FSD1L: variants seen among roughly 807,000 people sequenced by gnomAD.
The protein encoded by FSD1L is FSD1-like protein.
In FSD1L, 45 loss-of-function variants were observed where a neutral mutation model predicts 71.6. That is an observed-to-expected ratio of 0.63 (90% CI 0.49 to 0.81). FSD1L has a LOEUF of 0.81. Among genes scored for constraint, FSD1L ranks in the 30% least tolerant of loss-of-function variants. The pLI is 0.00. For missense variants in FSD1L, 561 were observed against 618.1 expected (o/e 0.91, Z 0.98); for synonymous variants, 197 against 207.2 (o/e 0.95, Z 0.42).
At chr9:105,528,236 A>C (rs1835651373) in intron 10 of FSD1L, among the ~76,000 whole-genome samples, 1 of 152,222 alleles carries the variant, frequency 6.6e-6, no homozygotes, top group Admixed American at 6.5e-5. Flanking sequence ...TATAGATTCA[A>C]CGCTATTCCC....
intron 10 of FSD1L, among the ~76,000 whole-genome samples, chr9:105,533,719 C>G (rs1589099270): frequency 7.3e-5 from 1 of 13,662 alleles, no homozygotes; most frequent in African/African-American, 1.8e-3. Context: ...CCGCGTGCAG[C>G]CCCCCCGTCC....
chr9:105,523,287 C>G, intron 10 of FSD1L: 2 of 1,596,350 alleles, frequency 1.3e-6, no homozygotes, highest in Non-Finnish European at 1.7e-6. Context: ...GAATATAGAT[C>G]ACATGGAACA....
At chr9:105,491,614 A>G (rs1473017014) in intron 7 of FSD1L, among the ~76,000 whole-genome samples, 2 of 152,106 alleles carry the variant, frequency 1.3e-5, no homozygotes, top group Admixed American at 6.5e-5. Flanking sequence ...TTGCCCATTC[A>G]GTATGATATT....
In FSD1L at chr9:105,489,046, G is replaced by A. The variant is rs184357204; in HGVS notation, c.586+4544G>A. 7.1e-3 allele frequency among the ~76,000 whole-genome samples: 1,083 copies of A among 152,042 alleles called. 7 individuals are homozygous for A. Among genetic ancestry groups the A allele is most frequent in the Non-Finnish European group, 0.013 (854 of 67,964 alleles). ...GTTATAATTGTTATCTGTCAATTGA[G>A]AAAAGCATTAAGATTAAGATGACAA... On this transcript the variant is annotated intron_variant, in intron 7 of 13. Transcript: ENST00000481272.
upstream of FSD1L, among the ~76,000 whole-genome samples, chr9:105,446,521 C>T (rs1008235307): frequency 1.3e-5 from 2 of 151,784 alleles, no homozygotes; most frequent in African/African-American, 2.4e-5. Flanking sequence ...TGCAGCACCA[C>T]GTCTGGCTAA....
At chr9:105,459,552 G>A (rs1402253859) in intron 1 of FSD1L, among the ~76,000 whole-genome samples, 1 of 152,198 alleles carries the variant, frequency 6.6e-6, no homozygotes, top group African/African-American at 2.4e-5. Flanking sequence ...TGGAGCCTTT[G>A]TCTCAGTAGT....
At chr9:105,492,902 G>C (rs1353107079) in intron 7 of FSD1L, among the ~76,000 whole-genome samples, 2 of 152,150 alleles carry the variant, frequency 1.3e-5, no homozygotes, top group Non-Finnish European at 2.9e-5. Context: ...CATTTGCTGA[G>C]GAGAGCTTTA....
At chr9:105,468,614 C>G (rs1236107861) in intron 4 of FSD1L, among the ~76,000 whole-genome samples, 2 of 151,906 alleles carry the variant, frequency 1.3e-5, no homozygotes, top group African/African-American at 4.8e-5. Flanking sequence ...CCTGCCTCAG[C>G]CTCCCAAGTA....
chr9:105,525,306 G>T, intron 10 of FSD1L: 1 of 1,608,320 alleles, frequency 6.2e-7, no homozygotes, highest in Non-Finnish European at 8.5e-7. Flanking sequence ...AACTCTTGCA[G>T]TATTTGGGTG....
intron 1 of FSD1L, among the ~76,000 whole-genome samples, chr9:105,452,675 C>T (rs897162753): frequency 7.1e-6 from 1 of 140,882 alleles, no homozygotes; most frequent in African/African-American, 2.8e-5. Context: ...GCCTGCCTTC[C>T]TTCCTTCCTT....
chr9:105,521,484 G>A (rs955773077), intron 10 of FSD1L: 10 of 1,613,796 alleles, frequency 6.2e-6, no homozygotes, highest in African/African-American at 2.7e-5. Context: ...TGTAAACTTT[G>A]TGACAGAGAT....
intron 7 of FSD1L, among the ~76,000 whole-genome samples, chr9:105,502,044 A>G (rs532418535): frequency 1.3e-5 from 2 of 152,082 alleles, no homozygotes; most frequent in South Asian, 4.2e-4. Context: ...CTTCGATTTT[A>G]TATATTTTTA....
intron 7 of FSD1L, among the ~76,000 whole-genome samples, chr9:105,498,051 C>G (rs1833527167): frequency 6.6e-6 from 1 of 151,854 alleles, no homozygotes; most frequent in Admixed American, 6.6e-5. Flanking sequence ...TACTGTGTTG[C>G]CTAGACTGGT....
At chr9:105,449,778 T>TGAGGTATCAGGACATG (rs11272703) in intron 1 of FSD1L, among the ~76,000 whole-genome samples, 2,359 of 151,992 alleles carry the variant, frequency 0.016, 89 homozygotes, top group African/African-American at 0.054. Context: ...CTTACTTTAA[T>TGAGGTATCAGGACATG]GAGTTGTGAC....
intron 7 of FSD1L, among the ~76,000 whole-genome samples, chr9:105,494,413 T>A (rs1833198461): frequency 6.6e-6 from 1 of 152,184 alleles, no homozygotes; most frequent in Admixed American, 6.5e-5. Flanking sequence ...TAAATTTTTT[T>A]CAAAGTTTTC....
In FSD1L at chr9:105,548,284, C is replaced by CT. The variant is rs1237932008; in HGVS notation, c.*1802dup. 1 of 152,188 alleles carries CT rather than the reference C, an allele frequency of 6.6e-6. No individual in the cohort carries two copies. The highest frequency in any genetic ancestry group is 1.5e-5 in the Non-Finnish European group (1 of 67,974). 9.4% of individuals were successfully genotyped at this position (152,188 alleles called of 1,614,324 possible). ...CCCTATAGAGGGCCTATTCCAGGAT[C>CT]TAAATGAATGGGAATTTATAATTCC... On this transcript the variant is annotated 3_prime_UTR_variant, in exon 14 of 14. Transcript: ENST00000481272.
At chr9:105,501,179 A>G (rs1259915953) in intron 7 of FSD1L, among the ~76,000 whole-genome samples, 1 of 152,126 alleles carries the variant, frequency 6.6e-6, no homozygotes, top group Admixed American at 6.5e-5. Context: ...GCACTGCCTT[A>G]TTTATAAAAG....
chr9:105,517,223 G>A (rs1449495520), intron 10 of FSD1L, among the ~76,000 whole-genome samples: 4 of 152,190 alleles, frequency 2.6e-5, no homozygotes. Context: ...AAGTGATGGG[G>A]AGAATGGAAC....
At chr9:105,444,206 A>G (rs1319504221), upstream of FSD1L, among the ~76,000 whole-genome samples, 1 of 152,206 alleles carries the variant, frequency 6.6e-6, no homozygotes, top group Admixed American at 6.5e-5. Context: ...TAAGAGAGTA[A>G]TTATTAGTAA....
Sources: gnomAD v4.1 joint callset for allele counts (sites outside exome capture counted in the v4.1 genomes callset) on GRCh38, gnomAD v4.1.1 for gene constraint, MANE v1.5 for transcripts, NCBI Gene and HGNC (gene_info 2026-07-23, HGNC 2026-07-21) for gene names.